The following ERBB4 variants were observed in gnomAD, a reference collection of about 807,000 sequenced individuals.
The protein encoded by ERBB4 is receptor tyrosine-protein kinase erbB-4.
In ERBB4, 42 loss-of-function variants were observed where a neutral mutation model predicts 158.0. That is an observed-to-expected ratio of 0.27 (90% CI 0.21 to 0.34). The LOEUF is 0.34. Among genes scored for constraint, ERBB4 ranks in the 10% least tolerant of loss-of-function variants. The pLI is 1.00. For missense variants in ERBB4, 1,333 were observed against 1,624.1 expected, an observed-to-expected ratio of 0.82 and a Z score of 3.08; for synonymous variants, 583 against 558.7, an observed-to-expected ratio of 1.04 and a Z score of -0.61.
chr2:211,685,748 A>G (rs1381576717), intron 12 of ERBB4, among the ~76,000 whole-genome samples: 3 of 152,212 alleles, frequency 2.0e-5, no homozygotes, highest in Non-Finnish European at 4.4e-5. Context: ...TATTCAATAC[A>G]GGAACACAGT....
intron 1 of ERBB4, among the ~76,000 whole-genome samples, chr2:212,427,541 T>C (rs757749487): frequency 3.9e-5 from 6 of 152,166 alleles, no homozygotes; most frequent in Non-Finnish European, 7.4e-5. Flanking sequence ...CTGTATGAGA[T>C]AGTTTTTATG....
intron 9 of ERBB4, among the ~76,000 whole-genome samples, chr2:211,706,939 T>G (rs547230513): frequency 6.6e-6 from 1 of 152,184 alleles, no homozygotes; most frequent in East Asian, 1.9e-4. Flanking sequence ...GTGTATCATG[T>G]AGGAAAACTC....
chr2:211,868,932 TA>T (rs762640236), intron 3 of ERBB4, among the ~76,000 whole-genome samples: 17 of 152,234 alleles, frequency 1.1e-4, no homozygotes, highest in Non-Finnish European at 2.2e-4. Flanking sequence ...AACAGCCTCC[TA>T]ACCATGATGC....
At chr2:211,687,091 C>A (rs573754867) in intron 12 of ERBB4, among the ~76,000 whole-genome samples, 1 of 150,448 alleles carries the variant, frequency 6.6e-6, no homozygotes, top group African/African-American at 2.5e-5. Context: ...GTCAGGAGAT[C>A]GAGACCATCC....
chr2:211,636,650 A>T (rs971694369), intron 16 of ERBB4, among the ~76,000 whole-genome samples: 1 of 151,948 alleles, frequency 6.6e-6, no homozygotes, highest in Non-Finnish European at 1.5e-5. Flanking sequence ...TCAAATGTTT[A>T]TCCTACATTT....
At chr2:212,223,953 G>A (rs2083387735) in intron 1 of ERBB4, among the ~76,000 whole-genome samples, 1 of 151,772 alleles carries the variant, frequency 6.6e-6, no homozygotes, top group African/African-American at 2.4e-5. Context: ...CATAAGGCTT[G>A]TAGTTACATA....
At chr2:211,751,938 A>T (rs1163090268) in intron 4 of ERBB4, among the ~76,000 whole-genome samples, 3 of 152,214 alleles carry the variant, frequency 2.0e-5, no homozygotes, top group African/African-American at 7.2e-5. Flanking sequence ...AATTCCAGTC[A>T]TCTTAAAAGT....
At chr2:211,563,837 C>A (rs2067474580) in intron 19 of ERBB4, among the ~76,000 whole-genome samples, 1 of 152,016 alleles carries the variant, frequency 6.6e-6, no homozygotes, top group Non-Finnish European at 1.5e-5. Context: ...TATATACACA[C>A]AAATGCACAT....
chr2:211,832,738 G>A (rs1241534766), intron 3 of ERBB4, among the ~76,000 whole-genome samples: 1 of 151,040 alleles, frequency 6.6e-6, no homozygotes, highest in Non-Finnish European at 1.5e-5. Flanking sequence ...AACCATCCTG[G>A]ATAGAACAGG....
chr2:211,401,317 A>T (rs547683839), intron 25 of ERBB4, among the ~76,000 whole-genome samples: 1 of 152,232 alleles, frequency 6.6e-6, no homozygotes, highest in South Asian at 2.1e-4. Flanking sequence ...TGAGGGTGAG[A>T]AAGTCAATGG....
intron 2 of ERBB4, among the ~76,000 whole-genome samples, chr2:212,123,428 G>T (rs987911939): frequency 6.6e-6 from 1 of 151,622 alleles, no homozygotes; most frequent in Non-Finnish European, 1.5e-5. Flanking sequence ...ACAAAACAAA[G>T]AAAAAACAAA....
intron 1 of ERBB4, among the ~76,000 whole-genome samples, chr2:212,293,281 CA>C (rs1489810601): frequency 6.6e-6 from 1 of 151,798 alleles, no homozygotes; most frequent in Non-Finnish European, 1.5e-5. Context: ...CTTAAAAAAT[CA>C]TAAATATTAA....
chr2:212,339,519 A>G (rs2106315592), intron 1 of ERBB4, among the ~76,000 whole-genome samples: 1 of 152,288 alleles, frequency 6.6e-6, no homozygotes, highest in Non-Finnish European at 1.5e-5. Context: ...TCAGATTACA[A>G]CTTGATGCAA....
intron 20 of ERBB4, among the ~76,000 whole-genome samples, chr2:211,452,324 C>T (rs981077675): frequency 3.3e-5 from 5 of 152,006 alleles, no homozygotes; most frequent in Admixed American, 1.3e-4. Flanking sequence ...ATTACAGGCA[C>T]GTGCTATCAC....
At chr2:212,110,230 C>T (rs982352991) in intron 2 of ERBB4, among the ~76,000 whole-genome samples, 5 of 152,208 alleles carry the variant, frequency 3.3e-5, no homozygotes, top group South Asian at 2.1e-4. Flanking sequence ...TTGGAAAACA[C>T]TGTGGAGCTC....
chr2:212,468,253 T>C (rs937638250), intron 1 of ERBB4, among the ~76,000 whole-genome samples: 1 of 151,970 alleles, frequency 6.6e-6, no homozygotes, highest in Non-Finnish European at 1.5e-5. Context: ...ACATGAATGG[T>C]TTTGAAATGT....
intron 1 of ERBB4, among the ~76,000 whole-genome samples, chr2:212,142,601 T>A (rs186949664): frequency 2.7e-4 from 39 of 146,828 alleles, no homozygotes; most frequent in East Asian, 1.8e-3. Flanking sequence ...TATATATATA[T>A]AATATTAAAA....
chr2:212,123,024 C>T (rs116190745), intron 2 of ERBB4, among the ~76,000 whole-genome samples: 3,859 of 152,244 alleles, frequency 0.025, 67 homozygotes, highest in Non-Finnish European at 0.037. Context: ...TTTGTCTATT[C>T]TATAAAGTCA....
chr2:212,391,627 A>G (rs1165568856), intron 1 of ERBB4, among the ~76,000 whole-genome samples: 3 of 141,158 alleles, frequency 2.1e-5, no homozygotes, highest in East Asian at 4.0e-4. Flanking sequence ...ATGTCAATAT[A>G]TTATATTGAC....
Sources: gnomAD v4.1 joint callset for allele counts (sites outside exome capture counted in the v4.1 genomes callset) on GRCh38, gnomAD v4.1.1 for gene constraint, MANE v1.5 for transcripts, NCBI Gene and HGNC (gene_info 2026-07-23, HGNC 2026-07-21) for gene names.